The following TTC6 variants were observed in gnomAD, a reference collection of about 807,000 sequenced individuals.
The protein encoded by TTC6 is tetratricopeptide repeat domain 6.
A neutral mutation model predicts 210.4 loss-of-function variants in TTC6; 172 were observed. That is an observed-to-expected ratio of 0.82 (90% confidence interval 0.72 to 0.93). The LOEUF (loss-of-function observed/expected upper bound fraction) is 0.93, where lower values mean the gene tolerates loss of function less well. TTC6 is among the 40% of genes least tolerant of loss of function. The pLI, the probability that TTC6 is intolerant of heterozygous loss-of-function variation, is 0.00. For synonymous variants in TTC6, 804 were observed against 819.6 expected (o/e 0.98, Z 0.32); for missense variants, 2,414 against 2,318.1 (o/e 1.04, Z -0.85).
intron 1 of TTC6, among the ~76,000 whole-genome samples, chr14:37,624,131 CAAA>C (rs2095656185): frequency 1.3e-5 from 2 of 152,082 alleles, no homozygotes; most frequent in Non-Finnish European, 2.9e-5. Flanking sequence ...TAAAGGGAAG[CAAA>C]AACAGGTATG....
intron 1 of TTC6, among the ~76,000 whole-genome samples, chr14:37,603,766 CTT>C (rs1055548054): frequency 6.6e-6 from 1 of 152,196 alleles, no homozygotes; most frequent in Non-Finnish European, 1.5e-5. Flanking sequence ...ATCTCTGAGA[CTT>C]TTACTCATTA....
intron 14 of TTC6, among the ~76,000 whole-genome samples, chr14:37,780,357 A>G (rs1018756581): frequency 9.2e-5 from 14 of 152,134 alleles, no homozygotes; most frequent in Admixed American, 6.6e-4. Flanking sequence ...CCTAGGTGTT[A>G]AGCCCAGTAT....
intron 14 of TTC6, among the ~76,000 whole-genome samples, chr14:37,757,105 C>T (rs547465639): frequency 2.0e-5 from 3 of 151,986 alleles, no homozygotes; most frequent in Non-Finnish European, 4.4e-5. Context: ...GGAATTTATC[C>T]ATTTCTTCTA....
chr14:37,796,078 C>A (rs961411142), intron 18 of TTC6, among the ~76,000 whole-genome samples: 1 of 151,924 alleles, frequency 6.6e-6, no homozygotes, highest in Non-Finnish European at 1.5e-5. Flanking sequence ...GTGTATTTTT[C>A]TTTCAGTGTT....
chr14:37,657,328 A>G (rs2139446608), intron 1 of TTC6, among the ~76,000 whole-genome samples: 1 of 149,554 alleles, frequency 6.7e-6, no homozygotes, highest in South Asian at 2.1e-4. Context: ...AAAGGTGTGG[A>G]AGTTTTGGAA....
At chr14:37,795,177 C>G in intron 17 of TTC6, 93 bp from the exon 20 acceptor site, 1 of 797,138 alleles carries the variant, frequency 1.3e-6, no homozygotes, top group Non-Finnish European at 1.9e-6. Flanking sequence ...GATGTCCCTG[C>G]AAAATTTCTG....
At chr14:37,804,958 C>T in intron 21 of TTC6, 144 bp downstream of exon 23, 1 of 711,534 alleles carries the variant, frequency 1.4e-6, no homozygotes, top group Non-Finnish European at 2.4e-6. Context: ...AGTCATTCTG[C>T]ACCCTGCAAC....
chr14:37,787,431 T>A, intron 14 of TTC6, 37 bp from the exon 17 acceptor site: 1 of 1,360,908 alleles, frequency 7.3e-7, no homozygotes, highest in Non-Finnish European at 9.7e-7. Flanking sequence ...AAATGTATAC[T>A]TTACAGTACT....
At chr14:37,691,385 A>T (rs1288075637) in intron 3 of TTC6, among the ~76,000 whole-genome samples, 2 of 152,190 alleles carry the variant, frequency 1.3e-5, no homozygotes, top group African/African-American at 2.4e-5. Context: ...AGAAATCAGT[A>T]ACAAGAATAA....
At chr14:37,790,884 C>G (rs7153624) in intron 16 of TTC6, 47 bp downstream of exon 18, 1 of 1,486,840 alleles carries the variant, frequency 6.7e-7, no homozygotes, top group African/African-American at 1.4e-5. Flanking sequence ...TGTAAAAAAT[C>G]GAAAACCTGA....
At chr14:37,762,111 G>A (rs1307261446) in intron 14 of TTC6, among the ~76,000 whole-genome samples, 2 of 152,082 alleles carry the variant, frequency 1.3e-5, no homozygotes, top group South Asian at 2.1e-4. Flanking sequence ...TTAACATAAT[G>A]TCTTCCAAGT....
intron 1 of TTC6, among the ~76,000 whole-genome samples, chr14:37,603,917 C>T (rs1163059992): frequency 6.6e-6 from 1 of 152,192 alleles, no homozygotes; most frequent in Non-Finnish European, 1.5e-5. Flanking sequence ...TCAGTTTTCC[C>T]AACTGTAAAA....
At chr14:37,826,234 A>G in exon 28 of TTC6, 1 of 1,608,632 alleles carries the variant, frequency 6.2e-7, no homozygotes, top group Middle Eastern at 1.7e-4. Context: ...CCACTTTACC[A>G]TTGCCATAGA....
intron 29 of TTC6, among the ~76,000 whole-genome samples, chr14:37,833,175 G>A (rs893846738): frequency 4.6e-5 from 7 of 151,884 alleles, no homozygotes; most frequent in Non-Finnish European, 8.8e-5. Context: ...TTGATTTTCT[G>A]TCTAGATAAT....
chr14:37,701,470 A>G, exon 5 of TTC6: 1 of 1,524,698 alleles, frequency 6.6e-7, no homozygotes, highest in Non-Finnish European at 8.7e-7. Context: ...CCCTGCTTGG[A>G]AAATTTGGAA....
chr14:37,727,562 G>T (rs1465771263), intron 7 of TTC6, among the ~76,000 whole-genome samples: 2 of 151,698 alleles, frequency 1.3e-5, no homozygotes, highest in African/African-American at 4.8e-5. Context: ...CAAAGTTCTG[G>T]GATTACAGGT....
intron 1 of TTC6, among the ~76,000 whole-genome samples, chr14:37,656,419 TGA>T (rs900695068): frequency 2.0e-5 from 3 of 152,130 alleles, no homozygotes; most frequent in African/African-American, 4.8e-5. Context: ...TATCATCTGG[TGA>T]GAGAGACAGG....
At chr14:37,755,744 T>C (rs143513399) in intron 14 of TTC6, among the ~76,000 whole-genome samples, 2,706 of 152,320 alleles carry the variant, frequency 0.018, 78 homozygotes, top group African/African-American at 0.062. Context: ...CATGCTGTTT[T>C]GGTTACTGTA....
intron 1 of TTC6, among the ~76,000 whole-genome samples, chr14:37,672,227 C>A (rs1003598984): frequency 1.3e-5 from 2 of 152,068 alleles, no homozygotes; most frequent in African/African-American, 4.8e-5. Flanking sequence ...TCCCTCCATC[C>A]CTTGACCCAG....
Sources: allele counts gnomAD v4.1 joint callset (sites outside exome capture counted in the v4.1 genomes callset), GRCh38; gene constraint gnomAD v4.1.1; transcripts MANE v1.5; gene names NCBI Gene and HGNC (gene_info 2026-07-23, HGNC 2026-07-21).